DGKB: variants seen among roughly 807,000 people sequenced by gnomAD.
DGKB encodes the protein 90 kDa diacylglycerol kinase.
In DGKB, 67 loss-of-function variants were observed where a neutral mutation model predicts 114.3. The ratio of observed to expected loss-of-function variants is 0.59; its 90% CI spans 0.48 to 0.72. The LOEUF (loss-of-function observed/expected upper bound fraction) is 0.72. Among genes scored for constraint, DGKB ranks in the 30% least tolerant of loss-of-function variants. The pLI is 0.00. For missense variants in DGKB, 907 were observed against 975.2 expected (o/e 0.93, Z 0.93); for synonymous variants, 398 against 323.1 (o/e 1.23, Z -2.49).
At chr7:14,717,098 G>A (rs974181518) in intron 6 of DGKB, among the ~76,000 whole-genome samples, 9 of 152,120 alleles carry the variant, frequency 5.9e-5, no homozygotes, top group Admixed American at 3.9e-4. Context: ...AGTGTGGTGA[G>A]TCAACATTCT....
chr7:14,617,147 C>T (rs1307671502), intron 15 of DGKB, among the ~76,000 whole-genome samples: 1 of 151,664 alleles, frequency 6.6e-6, no homozygotes, highest in African/African-American at 2.4e-5. Flanking sequence ...GCCATCAATG[C>T]CTTTCACTCC....
chr7:14,571,356 A>G (rs1166852657), intron 20 of DGKB, among the ~76,000 whole-genome samples: 1 of 152,184 alleles, frequency 6.6e-6, no homozygotes, highest in Non-Finnish European at 1.5e-5. Context: ...GAAAATCTCT[A>G]TGGCCTAGAA....
At chr7:14,723,248 T>C (rs1829498603) in intron 5 of DGKB, among the ~76,000 whole-genome samples, 1 of 152,138 alleles carries the variant, frequency 6.6e-6, no homozygotes, top group Non-Finnish European at 1.5e-5. Context: ...CATGAAATAG[T>C]AAGTGAGATC....
chr7:14,444,652 GA>G (rs1328202339), intron 21 of DGKB, among the ~76,000 whole-genome samples: 2 of 151,786 alleles, frequency 1.3e-5, no homozygotes, highest in Non-Finnish European at 3.0e-5. Flanking sequence ...CTAAGCCTTT[GA>G]TATCAGTCAG....
intron 20 of DGKB, among the ~76,000 whole-genome samples, chr7:14,571,467 G>A (rs1193623321): frequency 6.6e-6 from 1 of 152,134 alleles, no homozygotes; most frequent in Non-Finnish European, 1.5e-5. Context: ...TGACTTTAGG[G>A]CCAGCAGCTA....
intron 21 of DGKB, among the ~76,000 whole-genome samples, chr7:14,423,428 G>A (rs193133920): frequency 4.0e-5 from 6 of 151,812 alleles, no homozygotes; most frequent in Non-Finnish European, 8.8e-5. Context: ...GGTTTTAAAC[G>A]GTCTCCTAAC....
At chr7:14,868,189 G>C (rs1851950743) in intron 1 of DGKB, among the ~76,000 whole-genome samples, 2 of 152,002 alleles carry the variant, frequency 1.3e-5, no homozygotes, top group Non-Finnish European at 2.9e-5. Context: ...TGTGAATTTT[G>C]TGGATGCTTT....
chr7:14,795,633 A>C (rs1841300609), intron 2 of DGKB, among the ~76,000 whole-genome samples: 1 of 152,092 alleles, frequency 6.6e-6, no homozygotes, highest in Admixed American at 6.5e-5. Flanking sequence ...AGGCAATTGG[A>C]GTAATTGGAT....
chr7:14,627,572 G>A (rs1808810569), intron 14 of DGKB, among the ~76,000 whole-genome samples: 1 of 139,090 alleles, frequency 7.2e-6, no homozygotes, highest in Non-Finnish European at 1.5e-5. Context: ...AAAATAATGT[G>A]TGTATGTCTG....
At chr7:14,173,486 TTC>T (rs1219511115) in intron 25 of DGKB, among the ~76,000 whole-genome samples, 2 of 152,222 alleles carry the variant, frequency 1.3e-5, no homozygotes, top group African/African-American at 4.8e-5. Flanking sequence ...TAATTGATAT[TTC>T]TGTTTTATAT....
intron 5 of DGKB, among the ~76,000 whole-genome samples, chr7:14,734,966 G>A (rs1374404516): frequency 6.6e-6 from 1 of 152,108 alleles, no homozygotes; most frequent in African/African-American, 2.4e-5. Flanking sequence ...GTGGGGAGTC[G>A]CGGGAGAAGG....
intron 23 of DGKB, among the ~76,000 whole-genome samples, chr7:14,336,893 T>C (rs946348680): frequency 2.0e-5 from 3 of 152,156 alleles, no homozygotes; most frequent in African/African-American, 2.4e-5. Context: ...AATCAATTTG[T>C]ATAAGTATCG....
chr7:14,644,630 G>T (rs1370129124), intron 13 of DGKB, among the ~76,000 whole-genome samples: 1 of 152,022 alleles, frequency 6.6e-6, no homozygotes, highest in South Asian at 2.1e-4. Context: ...CAGATCTTTT[G>T]AAGTATCCTA....
At chr7:14,909,045 A>G (rs928276231) in intron 1 of DGKB, among the ~76,000 whole-genome samples, 1 of 152,210 alleles carries the variant, frequency 6.6e-6, no homozygotes, top group African/African-American at 2.4e-5. Context: ...TTAAAATAAT[A>G]AAATGTGTGG....
intron 5 of DGKB, among the ~76,000 whole-genome samples, chr7:14,720,967 G>A (rs1829074366): frequency 6.6e-6 from 1 of 152,010 alleles, no homozygotes; most frequent in African/African-American, 2.4e-5. Flanking sequence ...CCCTTGACAT[G>A]ACCATAACTT....
rs549641194 is a variant in DGKB at position 14,648,247 on chromosome 7, C to T, written c.1135-17979G>A. Among the ~76,000 whole-genome samples the T allele has an allele frequency of 6.6e-5, 10 of 152,330 alleles. No homozygotes were observed. The South Asian group carries it at 1.0e-3, about 16-fold the overall frequency. Reference sequence around the variant, plus strand: ...CCTCTGCAGACTTAAATGTCCCTGTCTGACAGCTTTGAAGAGAGCAGTAGT... The same window carrying T: ...CCTCTGCAGACTTAAATGTCCCTGTTTGACAGCTTTGAAGAGAGCAGTAGT... On this transcript the variant is annotated intron_variant, in intron 13 of 25. Transcript: ENST00000402815.
chr7:14,894,339 G>T (rs1263997603), intron 1 of DGKB, among the ~76,000 whole-genome samples: 1 of 151,294 alleles, frequency 6.6e-6, no homozygotes, highest in Non-Finnish European at 1.5e-5. Flanking sequence ...TCAGCAAAAC[G>T]CATATTAGAG....
At chr7:14,793,013 CA>C (rs1031786173) in intron 2 of DGKB, among the ~76,000 whole-genome samples, 80 of 151,950 alleles carry the variant, frequency 5.3e-4, no homozygotes, top group African/African-American at 1.7e-3. Context: ...TATACACAGA[CA>C]AAAAAAGTCG....
intron 23 of DGKB, among the ~76,000 whole-genome samples, chr7:14,266,789 T>C (rs1205968506): frequency 6.6e-6 from 1 of 152,210 alleles, no homozygotes; most frequent in African/African-American, 2.4e-5. Flanking sequence ...TTTAACTAAA[T>C]AGACAATACT....
Sources: gnomAD v4.1 joint callset for allele counts (sites outside exome capture counted in the v4.1 genomes callset) on GRCh38, gnomAD v4.1.1 for gene constraint, MANE v1.5 for transcripts, NCBI Gene and HGNC (gene_info 2026-07-23, HGNC 2026-07-21) for gene names.